The following MROH7 variants were observed in gnomAD, a reference collection of about 807,000 sequenced individuals.
MROH7 encodes maestro heat-like repeat-containing protein family member 7.
A neutral mutation model predicts 129.2 loss-of-function variants in MROH7; 113 were observed. That is an observed-to-expected ratio of 0.87 (90% CI 0.75 to 1.02). MROH7 has a LOEUF of 1.02. MROH7 is among the 50% of genes least tolerant of loss of function. MROH7 has a pLI of 0.00. For synonymous variants in MROH7, 655 were observed against 667.9 expected (o/e 0.98, Z 0.30); for missense variants, 1,601 against 1,671.3 (o/e 0.96, Z 0.73).
At chr1:54,667,043 T>G (rs1644825344) in intron 4 of MROH7, among the ~76,000 whole-genome samples, 2 of 152,192 alleles carry the variant, frequency 1.3e-5, no homozygotes, top group Non-Finnish European at 2.9e-5. Context: ...ACACTGTCAT[T>G]CAACACATTT....
Position 54,683,556 on chromosome 1 carries a change from G to C in MROH7, c.2520+762G>C, listed in dbSNP as rs542245108. 4.7e-4 allele frequency among the ~76,000 whole-genome samples: 72 copies of C among 152,310 alleles called. 1 individual carries two copies. In the South Asian group the frequency reaches 0.014, roughly 30 times the overall value. On this transcript the variant is annotated intron_variant, in intron 14 of 23. Coordinates refer to ENST00000421030, the MANE Select transcript of MROH7 (RefSeq NM_001039464.4). Reference sequence around the variant, plus strand: ...TGTACTGCAGCCAAAAAGTCTTTGAGAAATGCACATCTCCTCTTCTCAGCA... The same window carrying C: ...TGTACTGCAGCCAAAAAGTCTTTGACAAATGCACATCTCCTCTTCTCAGCA...
chr1:54,663,996 C>A (rs558547732), intron 3 of MROH7: 1 of 322,156 alleles, frequency 3.1e-6, no homozygotes, highest in African/African-American at 2.2e-5. Context: ...GGAGAAAGAT[C>A]CTCTCTCCTT....
chr1:54,699,161 T>TCTGTCTG (rs1553176968), intron 17 of MROH7: 29 of 113,528 alleles, frequency 2.6e-4, no homozygotes, highest in African/African-American at 8.9e-4. Flanking sequence ...TTTCTTTCTT[T>TCTGTCTG]TCTTTCTTTC....
At chr1:54,645,850 G>T (rs1406286583) in intron 1 of MROH7, among the ~76,000 whole-genome samples, 1 of 150,442 alleles carries the variant, frequency 6.6e-6, no homozygotes, top group African/African-American at 2.4e-5. Context: ...ATGGGATTTT[G>T]CTATGTTGCC....
chr1:54,675,759 G>A (rs1258488879), intron 10 of MROH7, among the ~76,000 whole-genome samples: 1 of 151,202 alleles, frequency 6.6e-6, no homozygotes, highest in African/African-American at 2.4e-5. Flanking sequence ...TACCATGCCT[G>A]GCTAAATTTT....
chr1:54,672,885 T>C (rs1457150344), intron 7 of MROH7, among the ~76,000 whole-genome samples: 1 of 982 alleles, frequency 1.0e-3, no homozygotes, highest in Non-Finnish European at 2.4e-3. Flanking sequence ...AGATAATAAT[T>C]AGCAATTGTT....
chr1:54,691,568 G>A (rs1412189814), intron 15 of MROH7, among the ~76,000 whole-genome samples: 2 of 152,160 alleles, frequency 1.3e-5, no homozygotes, highest in East Asian at 3.9e-4. Context: ...CACTTTGGGA[G>A]GCTGAGGCAG....
chr1:54,693,856 C>T (rs140593077), intron 16 of MROH7, among the ~76,000 whole-genome samples: 405 of 152,352 alleles, frequency 2.7e-3, no homozygotes, highest in Non-Finnish European at 4.5e-3. Flanking sequence ...ATTTAATCCT[C>T]ACCGTGACTG....
chr1:54,689,651 C>T (rs1645202928), intron 15 of MROH7, among the ~76,000 whole-genome samples: 1 of 152,196 alleles, frequency 6.6e-6, no homozygotes, highest in Non-Finnish European at 1.5e-5. Flanking sequence ...GGCCTGAGAG[C>T]TTGTCCTGTG....
rs1160172058 is a variant in MROH7 at position 54,682,685 on chromosome 1, T to TA, written c.2412dup (p.Leu805ThrfsTer3). 3 of 1,613,860 alleles carry TA rather than the reference T, an allele frequency of 1.9e-6. No individual in the cohort carries two copies. The Admixed American group carries it at 5.0e-5, about 27-fold the overall frequency. ...GGAGCAGAGATGTGGAGGCAGCTGA[T>TA]ACTGTGTAAGCCCAGCTGTGATGTC... On this transcript the variant is annotated frameshift_variant, in exon 14 of 24. Coordinates refer to ENST00000421030, the MANE Select transcript of MROH7 (RefSeq NM_001039464.4). LOFTEE classifies it high-confidence loss of function.
At chr1:54,696,727 A>C (rs544900715) in intron 17 of MROH7, among the ~76,000 whole-genome samples, 1 of 121,910 alleles carries the variant, frequency 8.2e-6, no homozygotes, top group African/African-American at 3.3e-5. Context: ...GTTGGAGTGC[A>C]GTGGCGTGAT....
chr1:54,647,357 C>T (rs770674325), intron 1 of MROH7, among the ~76,000 whole-genome samples: 1 of 151,948 alleles, frequency 6.6e-6, no homozygotes, highest in East Asian at 1.9e-4. Context: ...TGCCTGTAAT[C>T]CCAGCACTTT....
At chr1:54,709,673 T>G (rs1302945503) in intron 23 of MROH7, among the ~76,000 whole-genome samples, 1 of 152,076 alleles carries the variant, frequency 6.6e-6, no homozygotes, top group Admixed American at 6.5e-5. Context: ...GCAGGGTGAC[T>G]CTTAAGTGGG....
Position 54,657,474 on chromosome 1 carries a change from G to A in MROH7, c.1231+3317G>A, listed in dbSNP as rs591753. ...GCTCACTGCAGTCTCAAACTGCTGG[G>A]ATCCAGTGATTCTTTCACCTCAGCC... On this transcript the variant is annotated intron_variant, in intron 3 of 23. Coordinates refer to ENST00000421030, the MANE Select transcript of MROH7 (RefSeq NM_001039464.4). 9.6e-4 allele frequency among the ~76,000 whole-genome samples: 146 copies of A among 152,228 alleles called. 1 individual carries two copies. Among genetic ancestry groups the A allele is most frequent in the Non-Finnish European group, 1.8e-3 (120 of 68,020 alleles).
chr1:54,702,353 T>G (rs1411949430), intron 20 of MROH7, 108 bp downstream of exon 20: 4 of 1,045,472 alleles, frequency 3.8e-6, no homozygotes, highest in Non-Finnish European at 5.2e-6. Flanking sequence ...GGGGCAGTTA[T>G]GTATGTCCAG....
chr1:54,642,734 G>A (rs1354708647), intron 1 of MROH7, among the ~76,000 whole-genome samples: 1 of 152,090 alleles, frequency 6.6e-6, no homozygotes, highest in Admixed American at 6.5e-5. Flanking sequence ...TCCCACCTCA[G>A]CCTCCCAAGT....
At position 54,665,182 on chromosome 1, in the gene MROH7, T is replaced by C; in HGVS notation, c.1247T>C (p.Val416Ala). 4 of 1,613,858 alleles carry C rather than the reference T, an allele frequency of 2.5e-6. No individual in the cohort carries two copies. The highest frequency in any genetic ancestry group is 3.4e-6 in the Non-Finnish European group (4 of 1,179,880). ...QGIPEGAFDE[V>A]TSCLVKVPEK... ...TGCCCTGCAGGAGCCTTTGATGAAG[T>C]GACCTCATGCCTGGTGAAGGTGCCA... Residue 416 changes from valine to alanine, a missense_variant, in exon 4 of 24, where the codon GTG (valine) becomes GCG (alanine). Val to Ala is a moderately conservative substitution (Grantham distance 64). Coordinates refer to ENST00000421030, the MANE Select transcript of MROH7 (RefSeq NM_001039464.4).
intron 15 of MROH7, among the ~76,000 whole-genome samples, chr1:54,688,683 C>T (rs1645188029): frequency 6.6e-6 from 1 of 152,204 alleles, no homozygotes; most frequent in South Asian, 2.1e-4. Context: ...CGCATCCCAG[C>T]AAGACACCAT....
chr1:54,696,224 G>A (rs1001666352), intron 17 of MROH7, among the ~76,000 whole-genome samples: 4 of 152,040 alleles, frequency 2.6e-5, no homozygotes, highest in Non-Finnish European at 4.4e-5. Context: ...TCCCAAGACC[G>A]CACAGCTTGT....
Sources: allele counts gnomAD v4.1 joint callset (sites outside exome capture counted in the v4.1 genomes callset), GRCh38; gene constraint gnomAD v4.1.1; transcripts MANE v1.5; gene names NCBI Gene and HGNC (gene_info 2026-07-23, HGNC 2026-07-21).